Variants in CDH18 observed in about 807,000 individuals in gnomAD.
CDH18 encodes cadherin-18.
Under a neutral mutation model 67.9 loss-of-function variants are expected in CDH18, and 31 were observed. The ratio of observed to expected loss-of-function variants is 0.46; its 90% confidence interval spans 0.34 to 0.62. CDH18 has a LOEUF of 0.62. CDH18 is among the 20% of genes least tolerant of loss of function. CDH18 has a pLI of 0.01. For missense variants in CDH18, 890 were observed against 975.5 expected (o/e 0.91, Z 1.17); for synonymous variants, 362 against 347.2 (o/e 1.04, Z -0.48).
chr5:20,282,876 A>T (rs1292338457), intron 1 of CDH18, among the ~76,000 whole-genome samples: 1 of 152,148 alleles, frequency 6.6e-6, no homozygotes, highest in Non-Finnish European at 1.5e-5. Context: ...TATACCACAA[A>T]GCCATAGTAA....
chr5:20,326,331 T>A (rs1266656442), intron 1 of CDH18, among the ~76,000 whole-genome samples: 1 of 152,150 alleles, frequency 6.6e-6, no homozygotes, highest in Non-Finnish European at 1.5e-5. Context: ...ATTTTTAAAG[T>A]ATCATTTATC....
intron 1 of CDH18, among the ~76,000 whole-genome samples, chr5:20,559,217 T>TA: frequency 6.6e-6 from 1 of 152,056 alleles, no homozygotes; most frequent in East Asian, 1.9e-4. Flanking sequence ...ATTCTGATTA[T>TA]AAATTTCTTC....
In CDH18 at chr5:20,257,355, G is replaced by A. The variant is rs72743097; in HGVS notation, c.-579-1850C>T. ...GAGTTATTAGAATATTCTACTCTAT[G>A]GAAAATCATGTGTAAGCATGTGGGG... On this transcript the variant is annotated intron_variant, in intron 1 of 14. Coordinates refer to the CDH18 transcript ENST00000507958. Among the ~76,000 whole-genome samples, 944 of 152,138 alleles carry A rather than the reference G, an allele frequency of 6.2e-3. 25 individuals are homozygous for A. The highest frequency in any genetic ancestry group is 0.038 in the Admixed American group (575 of 15,280).
intron 2 of CDH18, among the ~76,000 whole-genome samples, chr5:19,851,903 TAG>T: frequency 6.6e-6 from 1 of 152,032 alleles, no homozygotes; most frequent in African/African-American, 2.4e-5. Flanking sequence ...GCTGATAAAA[TAG>T]AGTTTTCTAT....
intron 3 of CDH18, among the ~76,000 whole-genome samples, chr5:19,808,017 T>G (rs1416113330): frequency 6.6e-6 from 1 of 152,202 alleles, no homozygotes; most frequent in African/African-American, 2.4e-5. Flanking sequence ...TATATAGTAT[T>G]CAACCTTTGT....
intron 2 of CDH18, among the ~76,000 whole-genome samples, chr5:20,176,435 C>T (rs1027956566): frequency 5.3e-5 from 8 of 152,100 alleles, no homozygotes; most frequent in Admixed American, 3.3e-4. Flanking sequence ...TTTCTTGATA[C>T]GACTTGCTTC....
At chr5:20,167,734 A>C (rs1736402559) in intron 2 of CDH18, among the ~76,000 whole-genome samples, 1 of 152,182 alleles carries the variant, frequency 6.6e-6, no homozygotes, top group African/African-American at 2.4e-5. Flanking sequence ...TGGAGAAAGT[A>C]ATACAATGAA....
rs199511652 is a variant in CDH18, at chr5:20,519,951, T to C, written c.-580+55511A>G. Among the ~76,000 whole-genome samples the C allele has an allele frequency of 9.7e-4, 20 of 20,522 alleles. No individual in the cohort carries two copies. The East Asian group carries it at 0.14, about 142-fold the overall frequency. The allele number at this position is 20,522 out of a possible 152,430, so 13.5% of individuals were successfully genotyped here. A position where few individuals can be genotyped will look rare whatever the true frequency, so the allele number is the denominator to read the frequency against. ...TACAACACAGTCTTGGCTTTTTTTTTTTTTTTTTTTTTTTTTTTTTTTTTT... is the reference window on the plus strand; with the variant it reads ...TACAACACAGTCTTGGCTTTTTTTTCTTTTTTTTTTTTTTTTTTTTTTTTT... On this transcript the variant is annotated intron_variant, in intron 1 of 14. Coordinates refer to the CDH18 transcript ENST00000507958.
chr5:19,669,973 C>T lies in CDH18; in HGVS notation c.643+51374G>A, dbSNP rs1366212363. 2.6e-5 allele frequency among the ~76,000 whole-genome samples: 4 copies of T among 151,970 alleles called. No individual in the cohort carries two copies. The East Asian group carries it at 7.8e-4, about 29-fold the overall frequency. On this transcript the variant is annotated intron_variant, in intron 5 of 12. Coordinates refer to ENST00000382275, the MANE Select transcript of CDH18 (RefSeq NM_004934.5). ...TTTGCATTTCTAACAAGTTCCAAAG[C>T]GATGCTGATACTACCAGTTCAGGGT...
chr5:20,340,116 G>C (rs956961474), intron 1 of CDH18, among the ~76,000 whole-genome samples: 4 of 152,142 alleles, frequency 2.6e-5, no homozygotes, highest in African/African-American at 9.7e-5. Context: ...ATCTATGATA[G>C]ACCAGAAACC....
At chr5:20,196,796 C>T (rs1051006940) in intron 2 of CDH18, among the ~76,000 whole-genome samples, 1 of 152,168 alleles carries the variant, frequency 6.6e-6, no homozygotes, top group African/African-American at 2.4e-5. Flanking sequence ...CTCATTTACT[C>T]AATTTACAGA....
chr5:20,290,848 A>G (rs1252119983), intron 1 of CDH18, among the ~76,000 whole-genome samples: 3 of 152,162 alleles, frequency 2.0e-5, no homozygotes, highest in Admixed American at 6.5e-5. Context: ...ATGGTATGTC[A>G]TTCTATGAAG....
At chr5:20,514,553 G>C (rs1755241083) in intron 1 of CDH18, among the ~76,000 whole-genome samples, 1 of 152,222 alleles carries the variant, frequency 6.6e-6, no homozygotes, top group South Asian at 2.1e-4. Flanking sequence ...TTGGTGGCAA[G>C]TGACATATGT....
intron 5 of CDH18, among the ~76,000 whole-genome samples, chr5:19,701,309 C>A (rs1244206459): frequency 1.3e-5 from 2 of 151,862 alleles, no homozygotes; most frequent in African/African-American, 4.8e-5. Context: ...TGTCAGTGAA[C>A]AAAAGTAAGG....
At chr5:19,821,032 T>C (rs781208507) in intron 3 of CDH18, among the ~76,000 whole-genome samples, 3 of 152,076 alleles carry the variant, frequency 2.0e-5, no homozygotes, top group Non-Finnish European at 4.4e-5. Context: ...AAAAACTCCA[T>C]TAATTTAATC....
intron 2 of CDH18, among the ~76,000 whole-genome samples, chr5:20,098,968 C>T (rs1448539041): frequency 6.6e-6 from 1 of 151,956 alleles, no homozygotes; most frequent in East Asian, 1.9e-4. Flanking sequence ...AGACAGTATC[C>T]AAGTTTGCAA....
intron 7 of CDH18, among the ~76,000 whole-genome samples, chr5:19,574,935 A>C (rs1362580671): frequency 6.6e-6 from 1 of 152,148 alleles, no homozygotes; most frequent in Admixed American, 6.5e-5. Flanking sequence ...GCTACTCGGG[A>C]GGCTGAGGCA....
intron 4 of CDH18, among the ~76,000 whole-genome samples, chr5:19,725,174 C>T (rs530000373): frequency 6.6e-6 from 1 of 152,160 alleles, no homozygotes; most frequent in East Asian, 2.0e-4. Context: ...GATCCACCCA[C>T]CTCGGCCTCC....
At chr5:20,152,945 T>C (rs1561834039) in intron 2 of CDH18, among the ~76,000 whole-genome samples, 1 of 150,378 alleles carries the variant, frequency 6.6e-6, no homozygotes, top group Admixed American at 6.6e-5. Context: ...AGGAATTTTT[T>C]TTTTTTTTTT....
Sources: allele counts gnomAD v4.1 joint callset (sites outside exome capture counted in the v4.1 genomes callset), GRCh38; gene constraint gnomAD v4.1.1; transcripts MANE v1.5; gene names NCBI Gene and HGNC (gene_info 2026-07-23, HGNC 2026-07-21).